Variants in KAT6B observed in about 807,000 individuals in gnomAD.
KAT6B encodes the protein histone acetyltransferase KAT6B.
Under a neutral mutation model 187.5 loss-of-function variants are expected in KAT6B, and 10 were observed. The ratio of observed to expected loss-of-function variants is 0.05; its 90% CI spans 0.03 to 0.09. The LOEUF (loss-of-function observed/expected upper bound fraction) is 0.09. KAT6B is among the 10% of genes least tolerant of loss of function. The pLI, the probability that KAT6B is intolerant of heterozygous loss-of-function variation, is 1.00. For synonymous variants in KAT6B, 861 were observed against 926.8 expected, an observed-to-expected ratio of 0.93 and a Z score of 1.29; for missense variants, 1,952 against 2,558.9, an observed-to-expected ratio of 0.76 and a Z score of 5.12.
chr10:74,834,432 G>A (rs1438595402), intron 1 of KAT6B, among the ~76,000 whole-genome samples: 4 of 151,654 alleles, frequency 2.6e-5, no homozygotes, highest in African/African-American at 9.7e-5. Flanking sequence ...TCCTGACCTC[G>A]TGATCTGCCC....
intron 3 of KAT6B, among the ~76,000 whole-genome samples, chr10:74,929,621 T>A (rs1390021227): frequency 1.3e-5 from 2 of 152,218 alleles, no homozygotes; most frequent in Admixed American, 1.3e-4. Context: ...CAATTATGAT[T>A]AATAACTTGC....
At chr10:75,011,695 C>T (rs753479698) in intron 13 of KAT6B, among the ~76,000 whole-genome samples, 6 of 152,190 alleles carry the variant, frequency 3.9e-5, no homozygotes, top group Non-Finnish European at 8.8e-5. Flanking sequence ...GAATCTATAT[C>T]ATAGTCAGTC....
At chr10:74,928,867 A>G (rs1297072396) in intron 3 of KAT6B, among the ~76,000 whole-genome samples, 2 of 152,222 alleles carry the variant, frequency 1.3e-5, no homozygotes, top group African/African-American at 4.8e-5. Flanking sequence ...TAAGTACAAG[A>G]TGGTGAGTTG....
intron 17 of KAT6B, among the ~76,000 whole-genome samples, chr10:75,026,366 C>A (rs1845837175): frequency 6.6e-6 from 1 of 152,136 alleles, no homozygotes; most frequent in African/African-American, 2.4e-5. Context: ...CCAGCTGAAT[C>A]ATGAGGGTTT....
intron 3 of KAT6B, among the ~76,000 whole-genome samples, chr10:74,927,936 G>A (rs1848618159): frequency 6.6e-6 from 1 of 152,174 alleles, no homozygotes; most frequent in Non-Finnish European, 1.5e-5. Flanking sequence ...CAGATCATGA[G>A]TCAGACATCT....
intron 13 of KAT6B, among the ~76,000 whole-genome samples, chr10:75,006,476 G>T (rs543160424): frequency 6.6e-6 from 1 of 152,088 alleles, no homozygotes. Context: ...TTTGAGACAG[G>T]GTCTTGCTCT....
At chr10:74,951,108 T>G (rs1187170966) in intron 3 of KAT6B, among the ~76,000 whole-genome samples, 1 of 151,842 alleles carries the variant, frequency 6.6e-6, no homozygotes, top group Non-Finnish European at 1.5e-5. Flanking sequence ...CTTCCTTCTT[T>G]TTCTTTTTTT....
In KAT6B at chr10:74,979,245, G is replaced by T. The variant is rs764290616; in HGVS notation, c.2137G>T (p.Val713Leu). The change falls in exon 10 of 18, where the codon GTG becomes TTG. Residue 713 changes from valine to leucine, a missense_variant. Around this residue, in one of 9 missense-constraint regions of KAT6B, gnomAD observed 417 missense variants for 508.9 expected, o/e 0.82. Coordinates refer to ENST00000287239, the MANE Select transcript of KAT6B (RefSeq NM_012330.4). ...SWEKIECESG[V>L]EDCGRYPSVI... ...ACAGAAAATAGAGTGTGAGAGTGGGGTGGAAGACTGTGGCCGGTACCCTTC... is the reference window on the plus strand; with the variant it reads ...ACAGAAAATAGAGTGTGAGAGTGGGTTGGAAGACTGTGGCCGGTACCCTTC... The T allele has an allele frequency of 1.2e-6, 2 of 1,612,740 alleles. No individual in the cohort carries two copies. The highest frequency in any genetic ancestry group is 1.7e-6 in the Non-Finnish European group (2 of 1,178,888).
rs772444140 is a variant in KAT6B at position 75,030,633 on chromosome 10, G to T, written c.5809G>T (p.Ala1937Ser). ...TKSASLSPAA[A>S]THQSQIYGRS... The stretch of plus-strand genomic sequence containing the variant: ...GTCAGCGTCTCTGTCACCAGCCGCT[G>T]CCACCCATCAGTCACAAATCTATGG... Residue 1937 changes from alanine (A) to serine (S), a missense_variant, in exon 18 of 18, where the codon GCC becomes TCC. This residue lies in a region of KAT6B where 358 missense variants were observed against 436.3 expected (regional missense o/e 0.82). Coordinates refer to ENST00000287239, the MANE Select transcript of KAT6B (RefSeq NM_012330.4). This position sits in a 1 kb window ranked among gnomAD's most constrained non-coding sequence, Gnocchi z 4.8. 28 of 1,613,412 alleles carry T rather than the reference G, an allele frequency of 1.7e-5. No homozygotes were observed. Among genetic ancestry groups the T allele is most frequent in the Non-Finnish European group, 5.1e-6 (6 of 1,179,438 alleles).
intron 3 of KAT6B, among the ~76,000 whole-genome samples, chr10:74,952,260 C>T (rs1456374898): frequency 7.7e-6 from 1 of 129,542 alleles, no homozygotes; most frequent in Non-Finnish European, 1.6e-5. Context: ...GAGGCTGAGG[C>T]GGGAGGATCA....
intron 3 of KAT6B, among the ~76,000 whole-genome samples, chr10:74,856,157 C>T (rs1456368660): frequency 6.6e-6 from 1 of 152,114 alleles, no homozygotes; most frequent in Admixed American, 6.6e-5. Context: ...ATGATCTTAG[C>T]TCACTGCAAC....
chr10:74,880,289 G>A (rs1017624678), intron 3 of KAT6B, among the ~76,000 whole-genome samples: 6 of 152,042 alleles, frequency 3.9e-5, no homozygotes, highest in East Asian at 1.9e-4. Context: ...ATAACTTTGC[G>A]TATTTTAGAC....
intron 4 of KAT6B, among the ~76,000 whole-genome samples, chr10:74,965,043 C>G (rs891262037): frequency 6.6e-6 from 1 of 152,194 alleles, no homozygotes; most frequent in Non-Finnish European, 1.5e-5. Context: ...TAAATCTGAT[C>G]ACATAATTTC....
At chr10:74,953,867 A>G (rs1201768891) in intron 3 of KAT6B, among the ~76,000 whole-genome samples, 2 of 152,242 alleles carry the variant, frequency 1.3e-5, no homozygotes, top group Non-Finnish European at 2.9e-5. Context: ...CCTTCTGGGC[A>G]GAAACAGAAG....
intron 3 of KAT6B, among the ~76,000 whole-genome samples, chr10:74,868,908 G>A (rs1162708253): frequency 2.6e-5 from 4 of 152,160 alleles, no homozygotes; most frequent in Admixed American, 2.6e-4. Context: ...CCATATTGGA[G>A]TCCAGGGCCT....
intron 3 of KAT6B, among the ~76,000 whole-genome samples, chr10:74,886,266 C>T (rs762223660): frequency 7.9e-5 from 12 of 152,254 alleles, no homozygotes; most frequent in South Asian, 6.2e-4. Flanking sequence ...GTATGCCCTG[C>T]GATGTTCTGC....
chr10:75,027,611 C>T (rs1845969112), intron 17 of KAT6B, among the ~76,000 whole-genome samples: 2 of 151,672 alleles, frequency 1.3e-5, no homozygotes, highest in South Asian at 4.2e-4. Flanking sequence ...ATGTATATAG[C>T]TATTCATCTG....
At chr10:74,998,121 AC>A (rs10706974) in intron 13 of KAT6B, among the ~76,000 whole-genome samples, 152,191 of 152,192 alleles carry the variant, frequency 1, 76,095 homozygotes, top group Non-Finnish European at 1. Flanking sequence ...AAAAAGTAAT[AC>A]ATAAAACAAA....
rs58164194 is a variant in KAT6B, at chr10:74,944,808, CAAAAAAAAAAA to C, written c.622-15147_622-15137del. Among the ~76,000 whole-genome samples, 123 of 32,900 alleles carry C rather than the reference CAAAAAAAAAAA, an allele frequency of 3.7e-3. 1 individual carries two copies. Among genetic ancestry groups the C allele is most frequent in the Non-Finnish European group, 5.9e-3 (94 of 15,998 alleles). 21.6% of individuals were successfully genotyped at this position (32,900 alleles called of 152,430 possible). On this transcript the variant is annotated intron_variant, in intron 3 of 17. Transcript: ENST00000287239. ...CGGGCGACAGAGCGAGACTCCGTCT[CAAAAAAAAAAA>C]AAAAAAAAAAAAAAGGATATGCATA... is the stretch of plus-strand genomic sequence containing the variant.
Sources: gnomAD v4.1 joint callset for allele counts (sites outside exome capture counted in the v4.1 genomes callset) on GRCh38, gnomAD v4.1.1 for gene constraint, gnomAD v4.1.1 regional missense constraint, Gnocchi (gnomAD v3.1) non-coding constraint, MANE v1.5 for transcripts, NCBI Gene and HGNC (gene_info 2026-07-23, HGNC 2026-07-21) for gene names.